The following RBM6 variants were observed in gnomAD, a reference collection of about 807,000 sequenced individuals.
RBM6 encodes the protein RNA-binding protein 6.
Under a neutral mutation model 140.4 loss-of-function variants are expected in RBM6, and 23 were observed. The observed-to-expected ratio is 0.16, with a 90% CI of 0.12 to 0.23. RBM6 has a LOEUF of 0.23. Among genes scored for constraint, RBM6 ranks in the 10% least tolerant of loss-of-function variants. The probability of loss-of-function intolerance (pLI) is 1.00; values close to 1 mark genes in which losing one functional copy is unlikely to be tolerated. For missense variants in RBM6, 1,139 were observed against 1,386.7 expected (o/e 0.82, Z 2.84); for synonymous variants, 439 against 475.6 (o/e 0.92, Z 1.00).
At chr3:49,979,169 C>T (rs1426184791) in intron 5 of RBM6, among the ~76,000 whole-genome samples, 1 of 152,072 alleles carries the variant, frequency 6.6e-6, no homozygotes, top group African/African-American at 2.4e-5. Context: ...AGAAGCCAGA[C>T]ACAAAAGACC....
chr3:50,031,933 A>G (rs1334210282), intron 6 of RBM6, among the ~76,000 whole-genome samples: 1 of 152,218 alleles, frequency 6.6e-6, no homozygotes, highest in Non-Finnish European at 1.5e-5. Context: ...TGCCTGTATC[A>G]AAACATCTCC....
intron 6 of RBM6, among the ~76,000 whole-genome samples, chr3:50,000,915 A>G (rs758201147): frequency 6.6e-6 from 1 of 152,144 alleles, no homozygotes; most frequent in African/African-American, 2.4e-5. Flanking sequence ...GGGAGCAAGC[A>G]CTCATTAGAG....
chr3:50,075,702 G>A (rs2090439251), intron 20 of RBM6, among the ~76,000 whole-genome samples: 1 of 152,108 alleles, frequency 6.6e-6, no homozygotes, highest in South Asian at 2.1e-4. Context: ...GTCTTTGGTG[G>A]CTAAAATTTA....
intron 5 of RBM6, among the ~76,000 whole-genome samples, chr3:49,997,862 A>T (rs1479725338): frequency 6.6e-6 from 1 of 152,256 alleles, no homozygotes; most frequent in Non-Finnish European, 1.5e-5. Context: ...CATTGTTAAT[A>T]GGATATGCAT....
chr3:49,976,711 C>T (rs1387351609), intron 5 of RBM6, among the ~76,000 whole-genome samples: 1 of 152,114 alleles, frequency 6.6e-6, no homozygotes, highest in East Asian at 1.9e-4. Context: ...GCAGTTCAAA[C>T]TCCAGTTTCT....
At chr3:49,970,170 A>G (rs2084724438) in intron 3 of RBM6, among the ~76,000 whole-genome samples, 1 of 152,038 alleles carries the variant, frequency 6.6e-6, no homozygotes, top group Non-Finnish European at 1.5e-5. Flanking sequence ...GGAACCCCTG[A>G]TCTCAAATGA....
In RBM6 at chr3:50,060,975, T is replaced by C; in HGVS notation, c.2248T>C (p.Ser750Pro). Residue 750 changes from serine to proline, a missense_variant, in exon 12 of 21, where the codon TCT becomes CCT. By Grantham distance (74) the Ser-to-Pro change is moderately conservative (BLOSUM62 -1). Transcript: ENST00000266022. ...TTGCAGAAATGATTCTGGGGACCAT[T>C]CTGACCACATGCATTACTATCAGGT... Reference protein sequence around the residue: ...GKRRNDSGDHSDHMHYYQGKK... With the variant: ...GKRRNDSGDHPDHMHYYQGKK... 6.3e-7 allele frequency: 1 copy of C among 1,583,552 alleles called. No individual in the cohort carries two copies. Among genetic ancestry groups the C allele is most frequent in the South Asian group, 1.2e-5 (1 of 85,230 alleles).
intron 6 of RBM6, among the ~76,000 whole-genome samples, chr3:50,000,491 G>A (rs1383767000): frequency 1.3e-5 from 2 of 151,072 alleles, no homozygotes; most frequent in African/African-American, 4.9e-5. Context: ...TGCGATCTCG[G>A]CTCACTGCTA....
chr3:50,054,706 G>T (rs954281610), intron 8 of RBM6, among the ~76,000 whole-genome samples: 4 of 152,032 alleles, frequency 2.6e-5, no homozygotes, highest in Non-Finnish European at 5.9e-5. Context: ...AGTAGAGACG[G>T]GGTTTCACCA....
rs148234802 is a variant in RBM6 at position 49,954,214 on chromosome 3, C to T, written c.-66-8362C>T. Among the ~76,000 whole-genome samples the T allele has an allele frequency of 6.2e-3, 934 of 151,718 alleles. 5 individuals are homozygous for T. Among genetic ancestry groups the T allele is most frequent in the Non-Finnish European group, 0.01 (710 of 67,958 alleles). ...CAGCACTTTGGGAGGACCAGGCGGGCGGATCACAAGGTCAGGAGATCGAGA... is the reference window on the plus strand; with the variant it reads ...CAGCACTTTGGGAGGACCAGGCGGGTGGATCACAAGGTCAGGAGATCGAGA... On this transcript the variant is annotated intron_variant, in intron 1 of 20. Coordinates refer to ENST00000266022, the MANE Select transcript of RBM6 (RefSeq NM_005777.3).
chr3:50,025,130 G>A (rs529545666), intron 6 of RBM6, among the ~76,000 whole-genome samples: 6 of 150,272 alleles, frequency 4.0e-5, no homozygotes, highest in Admixed American at 3.3e-4. Flanking sequence ...TTTTTTCAAA[G>A]TTGTTATTTC....
chr3:49,955,146 AT>A (rs1207621450), intron 1 of RBM6, among the ~76,000 whole-genome samples: 61 of 66,464 alleles, frequency 9.2e-4, no homozygotes, highest in East Asian at 2.9e-3. Context: ...GCCGCATAGT[AT>A]TTTTTTTTCT....
At position 49,999,551 on chromosome 3, in the gene RBM6, A is replaced by G. The variant is rs746949622; in HGVS notation, c.1557+38A>G. On this transcript the variant is annotated intron_variant, in intron 6 of 20. Coordinates refer to ENST00000266022, the MANE Select transcript of RBM6 (RefSeq NM_005777.3). Reference sequence around the variant, plus strand: ...TTCGGTCAAATGATGCTGGAAGGATATATTTTTTTATATATGGGGAGGGAG... The same window carrying G: ...TTCGGTCAAATGATGCTGGAAGGATGTATTTTTTTATATATGGGGAGGGAG... 4 of 1,477,430 alleles carry G rather than the reference A, an allele frequency of 2.7e-6. No homozygotes were observed. The African/African-American group carries it at 4.2e-5, about 15-fold the overall frequency. 91.5% of individuals were successfully genotyped at this position (1,477,430 alleles called of 1,614,324 possible). A position where few individuals can be genotyped will look rare whatever the true frequency, so the allele number is the denominator to read the frequency against.
At chr3:50,038,683 A>T (rs887764297) in intron 6 of RBM6, among the ~76,000 whole-genome samples, 1 of 152,118 alleles carries the variant, frequency 6.6e-6, no homozygotes, top group African/African-American at 2.4e-5. Context: ...TACAAAAAAA[A>T]TCAGCCAGGT....
At chr3:49,964,197 G>A (rs1261638155) in intron 2 of RBM6, among the ~76,000 whole-genome samples, 5 of 152,062 alleles carry the variant, frequency 3.3e-5, no homozygotes, top group African/African-American at 7.2e-5. Context: ...GTGAGCCACC[G>A]CACCTGCCAT....
chr3:50,044,568 C>G lies in RBM6; in HGVS notation c.1558-3677C>G, dbSNP rs368004131. ...ACTGCACTCCAGCCTGGCGACAGAG[C>G]GAGACTCCGTCTCAAAAAAAAAAAA... On this transcript the variant is annotated intron_variant, in intron 6 of 20. Coordinates refer to ENST00000266022, the MANE Select transcript of RBM6 (RefSeq NM_005777.3). 1.2e-4 allele frequency among the ~76,000 whole-genome samples: 18 copies of G among 149,448 alleles called. No individual in the cohort carries two copies. The East Asian group carries it at 2.4e-3, about 20-fold the overall frequency.
Position 50,050,224 on chromosome 3 carries a change from ACTT to A in RBM6, c.1632+1913_1632+1915del, listed in dbSNP as rs932602072. On this transcript the variant is annotated intron_variant, in intron 7 of 20. Coordinates refer to ENST00000266022, the MANE Select transcript of RBM6 (RefSeq NM_005777.3). ...TCTTATCATTAATCAGTAACTTCCC[ACTT>A]CTTCTTCCCCCAGTCCCCAGAAACC... Among the ~76,000 whole-genome samples the A allele has an allele frequency of 9.2e-5, 14 of 151,944 alleles. 1 individual carries two copies. The highest frequency in any genetic ancestry group is 4.6e-4 in the Admixed American group (7 of 15,226).
rs146447906 is a variant in RBM6 at position 49,991,393 on chromosome 3, C to T, written c.1484-8047C>T. Among the ~76,000 whole-genome samples, 437 of 152,256 alleles carry T rather than the reference C, an allele frequency of 2.9e-3. 4 individuals carry two copies. Among genetic ancestry groups the T allele is most frequent in the African/African-American group, 0.01 (416 of 41,544 alleles). On this transcript the variant is annotated intron_variant, in intron 5 of 20. Coordinates refer to ENST00000266022, the MANE Select transcript of RBM6 (RefSeq NM_005777.3). ...TGGGTGATTTGCTCAAGCCCCTCTC[C>T]CCTCATCAGAAGTTGGTGGGTGGTA...
rs143814866 is a variant in RBM6, at chr3:50,057,983, G to A, written c.1949G>A (p.Arg650His). Reference protein sequence around the residue: ...RERESWSGETRQDGESKTIML... With the variant: ...RERESWSGETHQDGESKTIML... ...AGGGAGTCATGGTCTGGAGAGACACGCCAGGATGGAGAGAGCAAAAGTAAG... is the reference window on the plus strand; with the variant it reads ...AGGGAGTCATGGTCTGGAGAGACACACCAGGATGGAGAGAGCAAAAGTAAG... Residue 650 changes from arginine (R) to histidine (H), a missense_variant, in exon 9 of 21, where the codon CGC becomes CAC. Physicochemically the swap from Arg to His is conservative, Grantham distance 29. Around this residue, in one of 9 missense-constraint regions of RBM6, gnomAD observed 109 missense variants for 101.9 expected, o/e 1.07. Coordinates refer to ENST00000266022, the MANE Select transcript of RBM6 (RefSeq NM_005777.3). 9 of 1,613,552 alleles carry A rather than the reference G, an allele frequency of 5.6e-6. No homozygotes were observed. Among genetic ancestry groups the A allele is most frequent in the African/African-American group, 2.7e-5 (2 of 74,892 alleles).
Sources: gnomAD v4.1 joint callset for allele counts (sites outside exome capture counted in the v4.1 genomes callset) on GRCh38, gnomAD v4.1.1 for gene constraint, gnomAD v4.1.1 regional missense constraint, MANE v1.5 for transcripts, NCBI Gene and HGNC (gene_info 2026-07-23, HGNC 2026-07-21) for gene names.